SUPV3L1: variants seen among roughly 807,000 people sequenced by gnomAD.
The protein encoded by SUPV3L1 is ATP-dependent RNA helicase SUPV3L1, mitochondrial.
A neutral mutation model predicts 70.0 loss-of-function variants in SUPV3L1; 35 were observed. The ratio of observed to expected loss-of-function variants is 0.50; its 90% CI spans 0.38 to 0.66. The LOEUF (loss-of-function observed/expected upper bound fraction) is 0.66, where lower values mean the gene tolerates loss of function less well. SUPV3L1 is among the 30% of genes least tolerant of loss of function. The probability of loss-of-function intolerance (pLI) is 0.00; values close to 1 mark genes in which losing one functional copy is unlikely to be tolerated. For missense variants in SUPV3L1, 777 were observed against 961.5 expected (o/e 0.81, Z 2.54); for synonymous variants, 364 against 341.9 (o/e 1.06, Z -0.71).
chr10:69,180,692 G>A, intron 1 of SUPV3L1, 130 bp downstream of exon 1: 1 of 1,260,788 alleles, frequency 7.9e-7, no homozygotes, highest in Non-Finnish European at 1.1e-6. Context: ...GCCTCTCAGT[G>A]TCTGCCTCCT....
At position 69,200,470 on chromosome 10, in the gene SUPV3L1, A is replaced by G. The variant is rs1414019770; in HGVS notation, c.1489A>G (p.Ile497Val). 3.1e-6 allele frequency: 5 copies of G among 1,614,110 alleles called. No homozygotes were observed. The highest frequency in any genetic ancestry group is 1.7e-5 in the Admixed American group (1 of 60,018). Reference sequence around the variant, plus strand: ...TGAAGATCTCAGTTTATTAAAGGAAATTTTGAAGAGGCCTGTGGATCCTAT... The same window carrying G: ...TGAAGATCTCAGTTTATTAAAGGAAGTTTTGAAGAGGCCTGTGGATCCTAT... ...NHEDLSLLKE[I>V]LKRPVDPIRA... Residue 497 changes from isoleucine to valine, a missense_variant, in exon 11 of 15, where the codon ATT (isoleucine) becomes GTT (valine). Physicochemically the swap from Ile to Val is conservative, Grantham distance 29 (BLOSUM62 3). This residue lies in a region of SUPV3L1 where 619 missense variants were observed against 823.3 expected (regional missense o/e 0.75). Transcript: ENST00000359655.
intron 3 of SUPV3L1, 120 bp from the exon 4 acceptor site, chr10:69,187,522 C>T (rs1211321694): frequency 1.6e-6 from 1 of 635,852 alleles, no homozygotes. Context: ...CCAGAGAGGA[C>T]TTTTCTTTTT....
At chr10:69,195,645 C>T (rs1172212560) in intron 7 of SUPV3L1, among the ~76,000 whole-genome samples, 1 of 152,058 alleles carries the variant, frequency 6.6e-6, no homozygotes, top group Non-Finnish European at 1.5e-5. Context: ...TTAATATGAT[C>T]GCATATCTCT....
intron 1 of SUPV3L1, among the ~76,000 whole-genome samples, chr10:69,185,085 A>G (rs1842181373): frequency 6.6e-6 from 1 of 152,218 alleles, no homozygotes; most frequent in Non-Finnish European, 1.5e-5. Flanking sequence ...CACCCTTGAC[A>G]GTCATCTAAC....
At chr10:69,181,114 C>T (rs1842044289) in intron 1 of SUPV3L1, among the ~76,000 whole-genome samples, 1 of 152,152 alleles carries the variant, frequency 6.6e-6, no homozygotes, top group Non-Finnish European at 1.5e-5. Flanking sequence ...TAGAACATGA[C>T]AAGGTCTAGA....
chr10:69,205,138 G>C lies in SUPV3L1; in HGVS notation c.1776+2095G>C, dbSNP rs151246937. 4.3e-3 allele frequency among the ~76,000 whole-genome samples: 648 copies of C among 152,280 alleles called. 6 individuals are homozygous for C. Among genetic ancestry groups the C allele is most frequent in the Admixed American group, 0.014 (216 of 15,284 alleles). On this transcript the variant is annotated intron_variant, in intron 13 of 14. Transcript: ENST00000359655. The stretch of plus-strand genomic sequence containing the variant: ...CTTTTTCTCTTAATAATATGTGTTA[G>C]AGATCTTCCATGTCCAGATGTTTAC...
At chr10:69,181,325 G>C (rs1178951669) in intron 1 of SUPV3L1, among the ~76,000 whole-genome samples, 1 of 152,186 alleles carries the variant, frequency 6.6e-6, no homozygotes, top group East Asian at 1.9e-4. Context: ...TTGAGGAAAT[G>C]CTATCCAGAA....
At position 69,191,717 on chromosome 10, in the gene SUPV3L1, G is replaced by A. The variant is rs1842403829; in HGVS notation, c.804G>A (p.Gln268=). 6.2e-7 allele frequency: 1 copy of A among 1,613,930 alleles called. No homozygotes were observed. Among genetic ancestry groups the A allele is most frequent in the Admixed American group, 1.7e-5 (1 of 59,992 alleles). ...ERVTVQPNGK[Q]ASHVSCTVEM... is the part of the protein sequence containing the mutation. ...TGACAGTTCAGCCAAATGGGAAACA[G>A]GCTTCACATGTTTCTTGTACAGTTG... Residue 268 remains glutamine (Q), a synonymous_variant, in exon 6 of 15, where the codon CAG becomes CAA. Coordinates refer to ENST00000359655, the MANE Select transcript of SUPV3L1 (RefSeq NM_003171.5).
At chr10:69,187,891 AG>A (rs1842275995) in intron 4 of SUPV3L1, 135 bp downstream of exon 4, 2 of 609,702 alleles carry the variant, frequency 3.3e-6, no homozygotes, top group South Asian at 4.5e-5. Context: ...TAAAATAAAA[AG>A]AGGCAGTTAA....
chr10:69,195,392 A>G (rs915446887), intron 7 of SUPV3L1, 127 bp downstream of exon 7: 3 of 487,922 alleles, frequency 6.1e-6, no homozygotes, highest in Non-Finnish European at 6.9e-6. Flanking sequence ...AAAAAAGTAA[A>G]CTAAGTATGA....
chr10:69,182,555 C>T (rs1005193413), intron 1 of SUPV3L1: 2 of 985,286 alleles, frequency 2.0e-6, no homozygotes, highest in Non-Finnish European at 2.4e-6. Flanking sequence ...AATGTCTTTG[C>T]TGCTTCCTGT....
chr10:69,200,436 A>G lies in SUPV3L1; in HGVS notation c.1455A>G (p.Thr485=), dbSNP rs761162137. The change falls in exon 11 of 15, where the codon ACA becomes ACG. Residue 485 remains threonine (T), a synonymous_variant. Transcript: ENST00000359655. ...GGTTTAAAGAAGGAGAGGTTACAAC[A>G]ATGAATCATGAAGATCTCAGTTTAT... ...SSRFKEGEVT[T]MNHEDLSLLK... 1 of 1,614,138 alleles carries G rather than the reference A, an allele frequency of 6.2e-7. No homozygotes were observed. Among genetic ancestry groups the G allele is most frequent in the Admixed American group, 1.7e-5 (1 of 60,024 alleles).
intron 9 of SUPV3L1, 31 bp downstream of exon 9, chr10:69,198,583 T>A (rs1456483366): frequency 6.3e-7 from 1 of 1,597,318 alleles, no homozygotes; most frequent in Non-Finnish European, 8.5e-7. Context: ...TGACAAGATA[T>A]GAAATCTCCT....
chr10:69,196,983 C>T lies in SUPV3L1; in HGVS notation c.932-9C>T, dbSNP rs766266495. On this transcript the variant is annotated splice_polypyrimidine_tract_variant and intron_variant, in intron 7 of 14. Coordinates refer to ENST00000359655, the MANE Select transcript of SUPV3L1 (RefSeq NM_003171.5). ...TTTAAAATTAAGAAACCCAGTTTTG[C>T]ATTGACAGGACTGTGTGCTGAAGAG... 14 of 1,611,758 alleles carry T rather than the reference C, an allele frequency of 8.7e-6. No individual in the cohort carries two copies. Among genetic ancestry groups the T allele is most frequent in the African/African-American group, 1.3e-5 (1 of 74,846 alleles).
intron 5 of SUPV3L1, among the ~76,000 whole-genome samples, chr10:69,189,698 G>T (rs1262648153): frequency 4.7e-5 from 7 of 148,682 alleles, no homozygotes; most frequent in African/African-American, 1.7e-4. Context: ...CCAGGCTGGA[G>T]TGCAGTGGTG....
At chr10:69,199,281 A>G in intron 10 of SUPV3L1, 84 bp downstream of exon 10, 1 of 981,510 alleles carries the variant, frequency 1.0e-6, no homozygotes, top group East Asian at 2.6e-5. Context: ...ATTGGCATTA[A>G]TGACCAAACG....
rs148817091 is a variant in SUPV3L1 at position 69,180,546 on chromosome 10, C to T, written c.255C>T (p.Thr85=). The change falls in exon 1 of 15, where the codon ACC becomes ACT. Residue 85 remains threonine (T), a synonymous_variant. Coordinates refer to ENST00000359655, the MANE Select transcript of SUPV3L1 (RefSeq NM_003171.5). ...SADGDVGAEL[T]RPLDKNEVKK... Reference sequence around the variant, plus strand: ...ACGGCGACGTCGGGGCCGAGCTAACCCGGCCTCTGGACAAGAGTGAGTGCG... The same window carrying T: ...ACGGCGACGTCGGGGCCGAGCTAACTCGGCCTCTGGACAAGAGTGAGTGCG... 6.2e-7 allele frequency: 1 copy of T among 1,614,082 alleles called. No individual in the cohort carries two copies. The highest frequency in any genetic ancestry group is 1.7e-5 in the Admixed American group (1 of 60,018).
chr10:69,186,445 C>G lies in SUPV3L1; in HGVS notation c.352C>G (p.Arg118Gly). The change falls in exon 3 of 15, where the codon CGT becomes GGT. Residue 118 changes from arginine (R) to glycine (G), a missense_variant and splice_region_variant. Coordinates refer to ENST00000359655, the MANE Select transcript of SUPV3L1 (RefSeq NM_003171.5). Reference sequence around the variant, plus strand: ...CTTTTCATTTTGTGTTTCTACAGCTCGTCTCTTCCACCAAGCTTTCATAAG... The same window carrying G: ...CTTTTCATTTTGTGTTTCTACAGCTGGTCTCTTCCACCAAGCTTTCATAAG... ...KLGADYGLDA[R>G]LFHQAFISFR... 1.2e-6 allele frequency: 2 copies of G among 1,610,746 alleles called. No individual in the cohort carries two copies. Among genetic ancestry groups the G allele is most frequent in the Non-Finnish European group, 8.5e-7 (1 of 1,177,502 alleles).
At position 69,208,616 on chromosome 10, in the gene SUPV3L1, A is replaced by G. The variant is rs751814762; in HGVS notation, c.1942A>G (p.Met648Val). ...YLWLSYRFMD[M>V]FPDASLIRDL... is the part of the protein sequence containing the mutation. ...TTTTCCCAGCTACCGATTTATGGAT[A>G]TGTTTCCAGATGCCAGCCTTATTCG... is the stretch of plus-strand genomic sequence containing the variant. Residue 648 changes from methionine to valine, a missense_variant, in exon 15 of 15, where the codon ATG (methionine) becomes GTG (valine). By Grantham distance (21) the Met-to-Val change is conservative. Transcript: ENST00000359655. The G allele has an allele frequency of 3.1e-6, 5 of 1,611,862 alleles. No homozygotes were observed. The highest frequency in any genetic ancestry group is 1.7e-5 in the Admixed American group (1 of 59,912).
Sources: gnomAD v4.1 joint callset for allele counts (sites outside exome capture counted in the v4.1 genomes callset) on GRCh38, gnomAD v4.1.1 for gene constraint, gnomAD v4.1.1 regional missense constraint, MANE v1.5 for transcripts, NCBI Gene and HGNC (gene_info 2026-07-23, HGNC 2026-07-21) for gene names.